The following FANCM variants were observed in gnomAD, a reference collection of about 807,000 sequenced individuals.
The protein encoded by FANCM is FA complementation group M.
A neutral mutation model predicts 199.5 loss-of-function variants in FANCM; 140 were observed. The ratio of observed to expected loss-of-function variants is 0.70; its 90% confidence interval spans 0.61 to 0.81. The LOEUF is 0.81. Ranked by LOEUF, FANCM falls within the 30% of genes least tolerant of loss-of-function variation. FANCM has a pLI of 0.00. For missense variants in FANCM, 2,410 were observed against 2,421.4 expected (o/e 1.00, Z 0.10); for synonymous variants, 840 against 836.8 (o/e 1.00, Z -0.07).
chr14:45,155,054 A>G (rs1887083848), intron 7 of FANCM, among the ~76,000 whole-genome samples: 1 of 152,212 alleles, frequency 6.6e-6, no homozygotes, highest in African/African-American at 2.4e-5. Context: ...CTTTAAACAT[A>G]TAACAGATGT....
Position 45,151,527 on chromosome 14 carries a change from TGGTA to T in FANCM, c.1050+4_1050+7del. 1 of 1,610,814 alleles carries T rather than the reference TGGTA, an allele frequency of 6.2e-7. No homozygotes were observed. The highest frequency in any genetic ancestry group is 8.5e-7 in the Non-Finnish European group (1 of 1,177,252). ...AGGAAAAACCCATCTCCGAATATTGTGGTAGGTATTTTTAAATAAATTTTGATGA... is the reference window on the plus strand; with the variant it reads ...AGGAAAAACCCATCTCCGAATATTGTGGTATTTTTAAATAAATTTTGATGA... On this transcript the variant is annotated splice_donor_variant and splice_donor_region_variant and coding_sequence_variant and intron_variant, in exon 5 of 23. Coordinates refer to ENST00000267430, the MANE Select transcript of FANCM (RefSeq NM_020937.4). LOFTEE classifies it high-confidence loss of function.
At chr14:45,190,856 G>A (rs1889723220) in intron 20 of FANCM, among the ~76,000 whole-genome samples, 2 of 151,928 alleles carry the variant, frequency 1.3e-5, no homozygotes, top group African/African-American at 4.8e-5. Flanking sequence ...CTCATCTATA[G>A]TATAGAGATT....
rs2139103800 is a variant in FANCM, at chr14:45,136,481, G to T, written c.450G>T (p.Gln150His). Residue 150 changes from glutamine (Q) to histidine (H), a missense_variant, in exon 1 of 23, where the codon CAG becomes CAT. By Grantham distance (24) the Gln-to-His change is conservative. Transcript: ENST00000267430. The part of the protein sequence containing the change: ...MAPTKPLVTQ[Q>H]IEACYQVMGI... The stretch of plus-strand genomic sequence containing the variant: ...CAACGAAACCCTTGGTGACACAGCA[G>T]ATCGAGGCTTGCTACCAGGTGATGG... The T allele has an allele frequency of 1.9e-6, 3 of 1,614,204 alleles. No homozygotes were observed. The highest frequency in any genetic ancestry group is 1.7e-6 in the Non-Finnish European group (2 of 1,180,028).
At chr14:45,157,116 CAT>C (rs1268371112) in intron 8 of FANCM, among the ~76,000 whole-genome samples, 6 of 151,772 alleles carry the variant, frequency 4.0e-5, no homozygotes, top group African/African-American at 1.2e-4. Context: ...TATTGTACAA[CAT>C]AAATATATAC....
At position 45,200,059 on chromosome 14, in the gene FANCM, A is replaced by T. The variant is rs1448641015; in HGVS notation, c.*51A>T. 3.9e-6 allele frequency: 5 copies of T among 1,283,356 alleles called. No individual in the cohort carries two copies. Among genetic ancestry groups the T allele is most frequent in the South Asian group, 2.5e-5 (2 of 78,932 alleles). 79.5% of individuals were successfully genotyped at this position (1,283,356 alleles called of 1,614,324 possible). On this transcript the variant is annotated 3_prime_UTR_variant, in exon 23 of 23. Transcript: ENST00000267430. ...AAAGACCTCTCACAATATTAAATGC[A>T]CTTCAATAATCATTGCTGTTTTATG...
chr14:45,140,114 CT>C (rs1388569720), intron 2 of FANCM, among the ~76,000 whole-genome samples: 2 of 152,146 alleles, frequency 1.3e-5, no homozygotes, highest in African/African-American at 4.8e-5. Context: ...GTTAAGATTT[CT>C]CTTAATCTGT....
At position 45,176,430 on chromosome 14, in the gene FANCM, G is replaced by A. The variant is rs2139250484; in HGVS notation, c.3676G>A (p.Asp1226Asn). The A allele has an allele frequency of 6.2e-7, 1 of 1,613,002 alleles. No homozygotes were observed. The highest frequency in any genetic ancestry group is 8.5e-7 in the Non-Finnish European group (1 of 1,179,854). ...TGAGGATATTTTTGATTGCTCTAGGGATTTATTTTCTGTTACCTTTGATTT... is the reference window on the plus strand; with the variant it reads ...TGAGGATATTTTTGATTGCTCTAGGAATTTATTTTCTGTTACCTTTGATTT... ...NHEDIFDCSR[D>N]LFSVTFDLGF... Residue 1226 changes from aspartate (D) to asparagine (N), a missense_variant, in exon 14 of 23, where the codon GAT becomes AAT. Asp to Asn is a conservative substitution (Grantham distance 23). Coordinates refer to ENST00000267430, the MANE Select transcript of FANCM (RefSeq NM_020937.4).
intron 3 of FANCM, among the ~76,000 whole-genome samples, chr14:45,146,994 A>C (rs1886442721): frequency 6.6e-6 from 1 of 152,110 alleles, no homozygotes; most frequent in South Asian, 2.1e-4. Context: ...GCGCCAGTAA[A>C]ATATCAGCTA....
At chr14:45,143,222 G>A (rs919548903) in intron 3 of FANCM, among the ~76,000 whole-genome samples, 1 of 151,016 alleles carries the variant, frequency 6.6e-6, no homozygotes, top group Admixed American at 6.6e-5. Context: ...CAGGCTGGAG[G>A]GCAGTGCACA....
Position 45,154,773 on chromosome 14 carries a change from T to G in FANCM, c.1260T>G (p.Phe420Leu), listed in dbSNP as rs1312816191. 1 of 1,605,256 alleles carries G rather than the reference T, an allele frequency of 6.2e-7. No homozygotes were observed. Among genetic ancestry groups the G allele is most frequent in the Admixed American group, 1.7e-5 (1 of 59,818 alleles). The change falls in exon 7 of 23, where the codon TTT becomes TTG. Residue 420 changes from phenylalanine (F) to leucine (L), a missense_variant. By Grantham distance (22) the Phe-to-Leu change is conservative. Transcript: ENST00000267430. ...MKLYNHLECM[F>L]ARTRSTSANG... Reference sequence around the variant, plus strand: ...TCTATAATCATCTAGAGTGTATGTTTGCACGTACACGTAGTACTTCAGCAA... The same window carrying G: ...TCTATAATCATCTAGAGTGTATGTTGGCACGTACACGTAGTACTTCAGCAA...
intron 13 of FANCM, among the ~76,000 whole-genome samples, chr14:45,174,385 T>TA (rs768269491): frequency 0.051 from 6,477 of 127,584 alleles, 429 homozygotes; most frequent in African/African-American, 0.16. Flanking sequence ...AGACTTTGTC[T>TA]AAAAAAAAAA....
chr14:45,193,300 A>G (rs754871332), intron 20 of FANCM, among the ~76,000 whole-genome samples: 1 of 152,134 alleles, frequency 6.6e-6, no homozygotes, highest in Non-Finnish European at 1.5e-5. Flanking sequence ...AGAAATTCCT[A>G]CCTTCGAGAC....
chr14:45,164,669 A>G, intron 10 of FANCM, 104 bp downstream of exon 10: 2 of 921,068 alleles, frequency 2.2e-6, no homozygotes, highest in South Asian at 3.1e-5. Flanking sequence ...CACTCTGTAG[A>G]TAGTTTTGGT....
intron 20 of FANCM, among the ~76,000 whole-genome samples, chr14:45,194,251 G>A (rs1450598277): frequency 1.3e-5 from 2 of 150,632 alleles, no homozygotes; most frequent in African/African-American, 4.9e-5. Flanking sequence ...GCAGTGAGCT[G>A]AGACTGCACC....
At position 45,164,478 on chromosome 14, in the gene FANCM, A is replaced by C. The variant is rs2139205029; in HGVS notation, c.1701A>C (p.Pro567=). Residue 567 remains proline, a synonymous_variant, in exon 10 of 23, where the codon CCA becomes CCC. Transcript: ENST00000267430. ...LIICFDSQKS[P]IRLVQRMGRT... Reference sequence around the variant, plus strand: ...TATGTTTTGATTCCCAGAAGAGCCCAATTCGTCTTGTACAACGAATGGGTA... The same window carrying C: ...TATGTTTTGATTCCCAGAAGAGCCCCATTCGTCTTGTACAACGAATGGGTA... 6.2e-7 allele frequency: 1 copy of C among 1,613,636 alleles called. No individual in the cohort carries two copies. Among genetic ancestry groups the C allele is most frequent in the Non-Finnish European group, 8.5e-7 (1 of 1,179,862 alleles).
intron 20 of FANCM, among the ~76,000 whole-genome samples, chr14:45,190,812 A>G (rs1223130082): frequency 6.6e-6 from 1 of 152,130 alleles, no homozygotes; most frequent in African/African-American, 2.4e-5. Context: ...ACTGGAGAAC[A>G]AGAAAGTACT....
intron 13 of FANCM, among the ~76,000 whole-genome samples, chr14:45,174,742 A>G (rs1888554429): frequency 6.6e-6 from 1 of 152,186 alleles, no homozygotes; most frequent in South Asian, 2.1e-4. Context: ...AGAAATTAGA[A>G]TAATTCAGTT....
intron 5 of FANCM, among the ~76,000 whole-genome samples, chr14:45,152,483 G>A (rs529543903): frequency 5.3e-5 from 8 of 152,272 alleles, no homozygotes; most frequent in Non-Finnish European, 8.8e-5. Flanking sequence ...AAGCATCACA[G>A]CAAGCTTCTT....
Position 45,136,113 on chromosome 14 carries a change from G to A in FANCM, c.82G>A (p.Gly28Arg), listed in dbSNP as rs1885470016. Residue 28 changes from glycine to arginine, a missense_variant, in exon 1 of 23, where the codon GGA becomes AGA. Gly to Arg is a moderately radical substitution (Grantham distance 125). Coordinates refer to ENST00000267430, the MANE Select transcript of FANCM (RefSeq NM_020937.4). ...RSSGTPGCSS[G>R]TERPQSPGSS... ...ATCTGGGACTCCGGGTTGCAGCTCC[G>A]GAACTGAGCGACCTCAGAGCCCTGG... 2 of 1,614,002 alleles carry A rather than the reference G, an allele frequency of 1.2e-6. No homozygotes were observed. The highest frequency in any genetic ancestry group is 1.7e-5 in the Admixed American group (1 of 60,004).
Sources: allele counts gnomAD v4.1 joint callset (sites outside exome capture counted in the v4.1 genomes callset), GRCh38; gene constraint gnomAD v4.1.1; transcripts MANE v1.5; gene names NCBI Gene and HGNC (gene_info 2026-07-23, HGNC 2026-07-21).